The following HTR2A variants were observed in gnomAD, a reference collection of about 807,000 sequenced individuals.
HTR2A encodes 5-HT2 receptor.
HTR2A carries 14 observed loss-of-function variants against 31.0 expected under a neutral mutation model. The observed-to-expected ratio is 0.45, with a 90% CI of 0.30 to 0.71. The LOEUF (loss-of-function observed/expected upper bound fraction) is 0.71. Among genes scored for constraint, HTR2A ranks in the 30% least tolerant of loss-of-function variants. The pLI is 0.09. For synonymous variants in HTR2A, 209 were observed against 225.2 expected, an observed-to-expected ratio of 0.93 and a Z score of 0.64; for missense variants, 442 against 573.3, an observed-to-expected ratio of 0.77 and a Z score of 2.34.
In HTR2A at chr13:46,890,267, C is replaced by T. The variant is rs527462487; in HGVS notation, c.613+2123G>A. Among the ~76,000 whole-genome samples, 32 of 152,290 alleles carry T rather than the reference C, an allele frequency of 2.1e-4. 1 individual carries two copies. In the South Asian group the frequency reaches 5.6e-3, roughly 27 times the overall value. On this transcript the variant is annotated intron_variant, in intron 3 of 3. Transcript: ENST00000542664. ...CTGAGGCAGGAGAATAGCTTGAATG[C>T]GGGAGGCGGAGGTTGCGGTGAGCCA...
At chr13:46,876,662 C>T (rs1373482319) in intron 3 of HTR2A, among the ~76,000 whole-genome samples, 4 of 151,796 alleles carry the variant, frequency 2.6e-5, no homozygotes, top group African/African-American at 7.3e-5. Context: ...GTGATCCATC[C>T]GCCTCGGCCT....
At chr13:46,869,229 A>C (rs1566312054) in intron 3 of HTR2A, among the ~76,000 whole-genome samples, 2 of 152,196 alleles carry the variant, frequency 1.3e-5, no homozygotes, top group African/African-American at 2.4e-5. Context: ...AATTTCTAAA[A>C]CTCAACAAAC....
chr13:46,885,773 T>C (rs747633877), intron 3 of HTR2A, among the ~76,000 whole-genome samples: 24 of 152,234 alleles, frequency 1.6e-4, no homozygotes, highest in Non-Finnish European at 2.6e-4. Flanking sequence ...ATTTTGCCAA[T>C]TGGATAAGTG....
At chr13:46,882,161 T>C (rs1188443469) in intron 3 of HTR2A, among the ~76,000 whole-genome samples, 1 of 151,736 alleles carries the variant, frequency 6.6e-6, no homozygotes, top group Non-Finnish European at 1.5e-5. Flanking sequence ...ATTCCAAGTA[T>C]AGTAGTTTTT....
chr13:46,852,690 C>T (rs571945843), intron 3 of HTR2A, among the ~76,000 whole-genome samples: 18 of 152,272 alleles, frequency 1.2e-4, no homozygotes, highest in African/African-American at 3.4e-4. Context: ...GAAATTAGCA[C>T]CAGACTGGGA....
intron 2 of HTR2A, among the ~76,000 whole-genome samples, chr13:46,893,509 A>C (rs1951072011): frequency 6.6e-6 from 1 of 152,212 alleles, no homozygotes; most frequent in African/African-American, 2.4e-5. Context: ...GCTTTAGAGA[A>C]GGTCCTGATG....
intron 3 of HTR2A, among the ~76,000 whole-genome samples, chr13:46,845,183 A>C: frequency 6.6e-6 from 1 of 152,214 alleles, no homozygotes; most frequent in Non-Finnish European, 1.5e-5. Context: ...AGTGCAGGAC[A>C]GAATGAGATC....
intron 3 of HTR2A, among the ~76,000 whole-genome samples, chr13:46,866,975 G>A (rs1471920513): frequency 1.3e-5 from 2 of 152,150 alleles, no homozygotes; most frequent in African/African-American, 4.8e-5. Flanking sequence ...GCAGTGAGTC[G>A]AGATTGCGCC....
At chr13:46,845,879 G>A (rs1161956214) in intron 3 of HTR2A, among the ~76,000 whole-genome samples, 1 of 152,166 alleles carries the variant, frequency 6.6e-6, no homozygotes, top group Non-Finnish European at 1.5e-5. Flanking sequence ...ACATCAGACT[G>A]CGCACACAAC....
At chr13:46,887,186 G>A (rs1269149752) in intron 3 of HTR2A, among the ~76,000 whole-genome samples, 2 of 152,058 alleles carry the variant, frequency 1.3e-5, no homozygotes, top group African/African-American at 2.4e-5. Context: ...TTGGGATGCC[G>A]AGGCGGGCGG....
intron 3 of HTR2A, chr13:46,856,111 A>G (rs1206389566): frequency 6.6e-6 from 1 of 152,352 alleles, no homozygotes; most frequent in East Asian, 1.9e-4. Flanking sequence ...TGCTCTGGAC[A>G]GTGGGTGGAG....
chr13:46,891,760 T>C (rs1234837262), intron 3 of HTR2A, among the ~76,000 whole-genome samples: 1 of 152,236 alleles, frequency 6.6e-6, no homozygotes, highest in Non-Finnish European at 1.5e-5. Context: ...TGGGCTTTTC[T>C]GACTATTAGG....
chr13:46,880,105 C>T (rs992131593), intron 3 of HTR2A, among the ~76,000 whole-genome samples: 4 of 152,158 alleles, frequency 2.6e-5, no homozygotes, highest in East Asian at 3.8e-4. Context: ...GTGCCCAATT[C>T]GCAGAGTAAA....
intron 3 of HTR2A, among the ~76,000 whole-genome samples, chr13:46,855,601 A>C (rs1281236499): frequency 6.6e-6 from 1 of 152,122 alleles, no homozygotes; most frequent in East Asian, 1.9e-4. Flanking sequence ...GGAACATGTA[A>C]ACTGGAGACA....
intron 3 of HTR2A, among the ~76,000 whole-genome samples, chr13:46,875,516 A>G (rs139914283): frequency 3.3e-5 from 5 of 152,314 alleles, no homozygotes; most frequent in Admixed American, 3.3e-4. Flanking sequence ...AAGACAGTAG[A>G]TAATTGACTT....
intron 3 of HTR2A, among the ~76,000 whole-genome samples, chr13:46,857,294 T>A (rs1413210441): frequency 7.5e-6 from 1 of 133,562 alleles, no homozygotes; most frequent in Non-Finnish European, 1.6e-5. Context: ...CAAGACTCCA[T>A]CTTAAAAAAA....
chr13:46,896,126 C>A lies in HTR2A; in HGVS notation c.-220G>T. ...CTTCATTCACAATTTTAGGAGAGTC[C>A]ACTGTTTGGTTTTATTATTTTCTCA... is the stretch of plus-strand genomic sequence containing the variant. On this transcript the variant is annotated 5_prime_UTR_variant, in exon 2 of 4. Transcript: ENST00000542664. 7.8e-7 allele frequency: 1 copy of A among 1,282,324 alleles called. No individual in the cohort carries two copies. Among genetic ancestry groups the A allele is most frequent in the Non-Finnish European group, 9.8e-7 (1 of 1,018,952 alleles). 79.4% of individuals were successfully genotyped at this position (1,282,324 alleles called of 1,614,324 possible).
At position 46,866,844 on chromosome 13, in the gene HTR2A, T is replaced by C. The variant is rs187146954; in HGVS notation, c.613+25546A>G. Among the ~76,000 whole-genome samples, 872 of 152,288 alleles carry C rather than the reference T, an allele frequency of 5.7e-3. 6 individuals are homozygous for C. Among genetic ancestry groups the C allele is most frequent in the Non-Finnish European group, 7.1e-3 (484 of 68,008 alleles). ...GAGTTCGAGACCAGCCTGGCCAACC[T>C]GGTGAAACATATTCTCTACTAAAAA... On this transcript the variant is annotated intron_variant, in intron 3 of 3. Coordinates refer to ENST00000542664, the MANE Select transcript of HTR2A (RefSeq NM_000621.5).
At position 46,834,620 on chromosome 13, in the gene HTR2A, G is replaced by C; in HGVS notation, c.*217C>G. 3.9e-6 allele frequency: 2 copies of C among 517,796 alleles called. No homozygotes were observed. Among genetic ancestry groups the C allele is most frequent in the Non-Finnish European group, 6.8e-6 (2 of 294,974 alleles). The allele number at this position is 517,796 out of a possible 1,614,324, so 32.1% of individuals were successfully genotyped here. ...TTTACAATGTTATAAATAAGTATCA[G>C]AAAGCTCACAGCTGAAATGCTGTCA... On this transcript the variant is annotated 3_prime_UTR_variant, in exon 4 of 4. Transcript: ENST00000542664.
Sources: gnomAD v4.1 joint callset for allele counts (sites outside exome capture counted in the v4.1 genomes callset) on GRCh38, gnomAD v4.1.1 for gene constraint, MANE v1.5 for transcripts, NCBI Gene and HGNC (gene_info 2026-07-23, HGNC 2026-07-21) for gene names.